PLS1: variants seen among roughly 807,000 people sequenced by gnomAD.
PLS1 encodes the protein plastin 1.
In PLS1, 32 loss-of-function variants were observed where a neutral mutation model predicts 73.7. That is an observed-to-expected ratio of 0.43 (90% confidence interval 0.33 to 0.58). The LOEUF (loss-of-function observed/expected upper bound fraction) is 0.58, where lower values mean the gene tolerates loss of function less well. Ranked by LOEUF, PLS1 falls within the 20% of genes least tolerant of loss-of-function variation. The pLI is 0.04. For synonymous variants in PLS1, 217 were observed against 261.3 expected (o/e 0.83, Z 1.63); for missense variants, 633 against 740.5 (o/e 0.85, Z 1.68).
At chr3:142,704,609 A>ATT in intron 14 of PLS1, 23 bp downstream of exon 14, 1 of 1,255,550 alleles carries the variant, frequency 8.0e-7, no homozygotes. Context: ...CCTAAAAAAA[A>ATT]TTTTTTTTTG....
intron 1 of PLS1, among the ~76,000 whole-genome samples, chr3:142,624,456 A>G (rs1039475007): frequency 1.3e-5 from 2 of 152,188 alleles, no homozygotes; most frequent in Non-Finnish European, 2.9e-5. Flanking sequence ...TTTTCTTAGT[A>G]AAGCAGAAAA....
chr3:142,702,330 T>A (rs2038348024), intron 12 of PLS1, among the ~76,000 whole-genome samples: 1 of 152,258 alleles, frequency 6.6e-6, no homozygotes, highest in Non-Finnish European at 1.5e-5. Context: ...TTATTTGTAG[T>A]AAATTGAACT....
At chr3:142,603,147 G>C (rs986713015) in intron 1 of PLS1, among the ~76,000 whole-genome samples, 2 of 152,202 alleles carry the variant, frequency 1.3e-5, no homozygotes, top group Admixed American at 6.5e-5. Flanking sequence ...TGACATGTAA[G>C]GTCACATGAG....
chr3:142,597,718 T>C (rs1310374445), intron 1 of PLS1, among the ~76,000 whole-genome samples: 1 of 152,278 alleles, frequency 6.6e-6, no homozygotes, highest in Non-Finnish European at 1.5e-5. Context: ...CCCAAGCCCC[T>C]CATTGGCAAA....
chr3:142,597,425 TAA>T (rs1317606562), intron 1 of PLS1: 4 of 152,000 alleles, frequency 2.6e-5, no homozygotes, highest in African/African-American at 9.7e-5. Flanking sequence ...AATTCTATAG[TAA>T]AGTGTTAATG....
Position 142,671,013 on chromosome 3 carries a change from C to T in PLS1, c.255C>T (p.Ser85=). The part of the protein sequence containing the change: ...EFVSLMQELK[S]KDISKTFRKI... ...TCCAGCTAATGCAAGAATTAAAAAG[C>T]AAAGATATCAGCAAAACATTCCGAA... Residue 85 remains serine, a synonymous_variant, in exon 4 of 16, where the codon AGC becomes AGT. Transcript: ENST00000457734. The T allele has an allele frequency of 6.3e-7, 1 of 1,597,326 alleles. No individual in the cohort carries two copies. Among genetic ancestry groups the T allele is most frequent in the Non-Finnish European group, 8.6e-7 (1 of 1,167,064 alleles).
intron 4 of PLS1, among the ~76,000 whole-genome samples, chr3:142,672,294 A>G (rs932359693): frequency 5.5e-5 from 7 of 128,218 alleles, no homozygotes; most frequent in Non-Finnish European, 1.2e-4. Context: ...TTGTTTACTT[A>G]TTTTTTGAGG....
At chr3:142,651,694 C>T (rs2037097149) in intron 1 of PLS1, among the ~76,000 whole-genome samples, 1 of 152,142 alleles carries the variant, frequency 6.6e-6, no homozygotes. Flanking sequence ...AATGAATGAA[C>T]AGAATCAAGA....
At chr3:142,647,486 C>A (rs1220845182) in intron 1 of PLS1, among the ~76,000 whole-genome samples, 1 of 137,110 alleles carries the variant, frequency 7.3e-6, no homozygotes, top group East Asian at 2.0e-4. Flanking sequence ...GTTCATTTTT[C>A]TTTTTCTTTT....
At chr3:142,641,225 T>C (rs2036829329) in intron 1 of PLS1, among the ~76,000 whole-genome samples, 1 of 145,778 alleles carries the variant, frequency 6.9e-6, no homozygotes. Context: ...TATATAGATA[T>C]ATATAATATC....
intron 14 of PLS1, among the ~76,000 whole-genome samples, chr3:142,708,555 T>C (rs1249230140): frequency 1.3e-5 from 2 of 152,148 alleles, no homozygotes; most frequent in African/African-American, 4.8e-5. Context: ...CTTTCCACTT[T>C]TATTTTTTAA....
chr3:142,657,416 C>G (rs746419218), intron 1 of PLS1, among the ~76,000 whole-genome samples: 19 of 152,342 alleles, frequency 1.2e-4, no homozygotes, highest in Non-Finnish European at 2.1e-4. Context: ...ACCACAGATT[C>G]TAGCCTGGTT....
At position 142,668,410 on chromosome 3, in the gene PLS1, A is replaced by G. The variant is rs147316227; in HGVS notation, c.71-980A>G. ...ATCATGAATACATAATGAAGAAGCA[A>G]TGAATTATTGACAGATGAAACAGAA... On this transcript the variant is annotated intron_variant, in intron 2 of 15. Coordinates refer to ENST00000457734, the MANE Select transcript of PLS1 (RefSeq NM_001145319.2). 5.9e-5 allele frequency among the ~76,000 whole-genome samples: 9 copies of G among 152,346 alleles called. 1 individual carries two copies. Among genetic ancestry groups the G allele is most frequent in the African/African-American group, 2.2e-4 (9 of 41,580 alleles).
At chr3:142,651,687 G>A (rs886286145) in intron 1 of PLS1, among the ~76,000 whole-genome samples, 5 of 152,258 alleles carry the variant, frequency 3.3e-5, no homozygotes, top group East Asian at 3.9e-4. Context: ...GGAGGCCAAT[G>A]AATGAACAGA....
chr3:142,655,581 G>T (rs910980389), intron 1 of PLS1, among the ~76,000 whole-genome samples: 3 of 151,748 alleles, frequency 2.0e-5, no homozygotes, highest in Middle Eastern at 3.2e-3. Flanking sequence ...AATTAGCTGG[G>T]CGTGGTGGCG....
intron 1 of PLS1, among the ~76,000 whole-genome samples, chr3:142,611,993 T>G (rs1383127483): frequency 6.6e-6 from 1 of 152,180 alleles, no homozygotes; most frequent in African/African-American, 2.4e-5. Context: ...ATTCTAACTC[T>G]AAAACCAGCG....
At chr3:142,603,016 G>C (rs934857682) in intron 1 of PLS1, among the ~76,000 whole-genome samples, 1 of 152,206 alleles carries the variant, frequency 6.6e-6, no homozygotes, top group Admixed American at 6.5e-5. Context: ...ACTTCATCCA[G>C]TTCCGAATTA....
At chr3:142,613,577 A>C (rs1206037973) in intron 1 of PLS1, among the ~76,000 whole-genome samples, 1 of 152,194 alleles carries the variant, frequency 6.6e-6, no homozygotes, top group Non-Finnish European at 1.5e-5. Flanking sequence ...GATTTTGAAA[A>C]GAAAATATTA....
chr3:142,662,292 T>C (rs2037388114), intron 1 of PLS1, among the ~76,000 whole-genome samples: 1 of 152,126 alleles, frequency 6.6e-6, no homozygotes, highest in Non-Finnish European at 1.5e-5. Context: ...AAACCATCAT[T>C]CTCAGCAAAC....
Sources: gnomAD v4.1 joint callset for allele counts (sites outside exome capture counted in the v4.1 genomes callset) on GRCh38, gnomAD v4.1.1 for gene constraint, MANE v1.5 for transcripts, NCBI Gene and HGNC (gene_info 2026-07-23, HGNC 2026-07-21) for gene names.